Variants in ACADM observed in about 807,000 individuals in gnomAD.
The protein encoded by ACADM is medium-chain specific acyl-CoA dehydrogenase, mitochondrial.
Under a neutral mutation model 58.9 loss-of-function variants are expected in ACADM, and 49 were observed. The observed-to-expected ratio is 0.83, with a 90% CI of 0.66 to 1.06. ACADM has a LOEUF of 1.06. ACADM is among the 50% of genes least tolerant of loss of function. The pLI is 0.00. For missense variants in ACADM, 496 were observed against 507.0 expected (o/e 0.98, Z 0.21); for synonymous variants, 160 against 157.7 (o/e 1.01, Z -0.11).
intron 10 of ACADM, among the ~76,000 whole-genome samples, chr1:75,759,336 C>T (rs1371940540): frequency 6.6e-6 from 1 of 152,230 alleles, no homozygotes; most frequent in African/African-American, 2.4e-5. Flanking sequence ...GGCTGAAACT[C>T]CCAACCCTCT....
At chr1:75,729,457 T>TG (rs1322219014) in intron 2 of ACADM, among the ~76,000 whole-genome samples, 1 of 148,334 alleles carries the variant, frequency 6.7e-6, no homozygotes, top group Non-Finnish European at 1.5e-5. Flanking sequence ...GTTTCTGTGT[T>TG]TTTTTTTTTT....
intron 10 of ACADM, among the ~76,000 whole-genome samples, chr1:75,760,385 T>G (rs1479991718): frequency 2.7e-5 from 4 of 147,018 alleles, no homozygotes; most frequent in Non-Finnish European, 6.0e-5. Context: ...ACGCACCACT[T>G]CACCCCAGCC....
At chr1:75,744,072 G>C in intron 7 of ACADM, 1 of 1,587,470 alleles carries the variant, frequency 6.3e-7, no homozygotes, top group Non-Finnish European at 8.7e-7. Context: ...TTCAGACGCT[G>C]AGCAATGCAC....
At chr1:75,735,126 G>A (rs758741138) in intron 6 of ACADM, among the ~76,000 whole-genome samples, 7 of 151,788 alleles carry the variant, frequency 4.6e-5, no homozygotes, top group South Asian at 2.1e-4. Flanking sequence ...TCACAGCCTG[G>A]CTAACGTGGT....
At chr1:75,755,629 A>T (rs1648462230) in intron 10 of ACADM, among the ~76,000 whole-genome samples, 1 of 152,234 alleles carries the variant, frequency 6.6e-6, no homozygotes. Context: ...ACCAAAGACC[A>T]AAGGTAGATA....
intron 8 of ACADM, among the ~76,000 whole-genome samples, chr1:75,748,069 C>T (rs192163007): frequency 1.1e-4 from 16 of 152,294 alleles, no homozygotes; most frequent in Admixed American, 5.2e-4. Context: ...GTTTCCATTG[C>T]TCCTGTTTCT....
chr1:75,729,295 C>CTTTTTTTT (rs35372302), intron 2 of ACADM, among the ~76,000 whole-genome samples: 73 of 85,158 alleles, frequency 8.6e-4, no homozygotes, highest in Non-Finnish European at 1.1e-3. Context: ...TTTCTTTTTT[C>CTTTTTTTT]TTTTTTTTTT....
intron 8 of ACADM, among the ~76,000 whole-genome samples, chr1:75,746,205 G>T (rs1647890626): frequency 6.6e-6 from 1 of 152,136 alleles, no homozygotes. Flanking sequence ...CCAATAATAA[G>T]AATTCTGGAT....
chr1:75,744,344 T>C, intron 7 of ACADM: 1 of 1,608,896 alleles, frequency 6.2e-7, no homozygotes, highest in Non-Finnish European at 8.5e-7. Flanking sequence ...GCACCAGTTT[T>C]CCTGAGTGTG....
intron 10 of ACADM, among the ~76,000 whole-genome samples, chr1:75,755,609 C>T (rs559780429): frequency 2.8e-4 from 42 of 152,278 alleles, no homozygotes; most frequent in African/African-American, 7.0e-4. Flanking sequence ...CGCATCTGTA[C>T]GTCACCATCA....
In ACADM at chr1:75,753,795, C is replaced by CTTTTTTTTTTTTTTTTT. The variant is rs71071962; in HGVS notation, c.945+3252_945+3268dup. Among the ~76,000 whole-genome samples, 116 of 81,898 alleles carry CTTTTTTTTTTTTTTTTT rather than the reference C, an allele frequency of 1.4e-3. 10 individuals are homozygous for CTTTTTTTTTTTTTTTTT. Among genetic ancestry groups the CTTTTTTTTTTTTTTTTT allele is most frequent in the Middle Eastern group, 6.6e-3 (1 of 152 alleles). 53.7% of individuals were successfully genotyped at this position (81,898 alleles called of 152,430 possible). On this transcript the variant is annotated intron_variant, in intron 10 of 11. Coordinates refer to ENST00000370841, the MANE Select transcript of ACADM (RefSeq NM_000016.6). ...GCACTCTGCAAAATGCTGATAGCTT[C>CTTTTTTTTTTTTTTTTT]TTTTTTTTTTTTTTTTTTTGAGACA...
intron 1 of ACADM, among the ~76,000 whole-genome samples, chr1:75,727,245 A>G (rs1280592456): frequency 3.3e-5 from 5 of 152,212 alleles, no homozygotes; most frequent in African/African-American, 1.2e-4. Flanking sequence ...TCTTAATTAT[A>G]TTGTCACCTT....
At chr1:75,751,251 G>A (rs1243127649) in intron 10 of ACADM, among the ~76,000 whole-genome samples, 34 of 151,108 alleles carry the variant, frequency 2.3e-4, no homozygotes, top group African/African-American at 8.0e-4. Flanking sequence ...GAGGCAGGAG[G>A]ATGGCGTGAA....
At position 75,734,834 on chromosome 1, in the gene ACADM, A is replaced by C; in HGVS notation, c.431A>C (p.Lys144Thr). Residue 144 changes from lysine to threonine, a missense_variant, in exon 6 of 12, where the codon AAG (lysine) becomes ACG (threonine). Physicochemically the swap from Lys to Thr is moderately conservative, Grantham distance 78 (BLOSUM62 -1). Transcript: ENST00000370841. ...GCTGGAAATGATCAACAAAAGAAGA[A>C]GTATTTGGGGAGAATGACTGAGGAG... The part of the protein sequence containing the change: ...IIAGNDQQKK[K>T]YLGRMTEEPL... 1 of 1,613,978 alleles carries C rather than the reference A, an allele frequency of 6.2e-7. No homozygotes were observed. Among genetic ancestry groups the C allele is most frequent in the South Asian group, 1.1e-5 (1 of 91,072 alleles).
intron 10 of ACADM, 80 bp from the exon 11 acceptor site, chr1:75,761,042 A>G (rs1017285911): frequency 2.1e-6 from 3 of 1,407,340 alleles, no homozygotes; most frequent in East Asian, 2.5e-5. Flanking sequence ...CCCCGTCACT[A>G]TAAAAATGAA....
chr1:75,745,701 T>G lies in ACADM; in HGVS notation c.600-105T>G, dbSNP rs565042704. 6.7e-6 allele frequency: 6 copies of G among 894,864 alleles called. No individual in the cohort carries two copies. The East Asian group carries it at 1.5e-4, about 22-fold the overall frequency. 55.4% of individuals were successfully genotyped at this position (894,864 alleles called of 1,614,324 possible). ...ATTATTTATTTCCTCATTTGTAAAATGTAGGTAATAATAATTGGGATTGTT... is the reference window on the plus strand; with the variant it reads ...ATTATTTATTTCCTCATTTGTAAAAGGTAGGTAATAATAATTGGGATTGTT... On this transcript the variant is annotated intron_variant, in intron 7 of 11. Transcript: ENST00000370841.
At chr1:75,752,746 A>G (rs1340660602) in intron 10 of ACADM, among the ~76,000 whole-genome samples, 2 of 151,984 alleles carry the variant, frequency 1.3e-5, no homozygotes, top group Admixed American at 6.6e-5. Context: ...GTTATCTTCA[A>G]TTCTTTGGGT....
At chr1:75,760,314 C>T (rs550810368) in intron 10 of ACADM, among the ~76,000 whole-genome samples, 4 of 144,820 alleles carry the variant, frequency 2.8e-5, no homozygotes, top group East Asian at 2.1e-4. Flanking sequence ...CCCAGCTACT[C>T]GGGAGGCTGA....
intron 7 of ACADM, chr1:75,744,785 G>A (rs537053784): frequency 2.4e-5 from 15 of 613,416 alleles, no homozygotes; most frequent in South Asian, 8.5e-5. Context: ...CACGGCGGCC[G>A]GGTCTCCGTT....
Sources: allele counts gnomAD v4.1 joint callset (sites outside exome capture counted in the v4.1 genomes callset), GRCh38; gene constraint gnomAD v4.1.1; transcripts MANE v1.5; gene names NCBI Gene and HGNC (gene_info 2026-07-23, HGNC 2026-07-21).